ADAMTSL3: variants seen among roughly 807,000 people sequenced by gnomAD.
ADAMTSL3 encodes the protein ADAMTS-like protein 3.
Under a neutral mutation model 201.7 loss-of-function variants are expected in ADAMTSL3, and 128 were observed. The observed-to-expected ratio is 0.63, with a 90% CI of 0.55 to 0.73. The LOEUF (loss-of-function observed/expected upper bound fraction) is 0.73, where lower values mean the gene tolerates loss of function less well. Ranked by LOEUF, ADAMTSL3 falls within the 30% of genes least tolerant of loss-of-function variation. The pLI is 0.00. For missense variants in ADAMTSL3, 1,990 were observed against 2,119.6 expected (o/e 0.94, Z 1.20); for synonymous variants, 738 against 748.4 (o/e 0.99, Z 0.23).
intron 3 of ADAMTSL3, among the ~76,000 whole-genome samples, chr15:83,715,236 C>T (rs2062000923): frequency 6.6e-6 from 1 of 152,152 alleles, no homozygotes; most frequent in Non-Finnish European, 1.5e-5. Context: ...AGTGATAGCT[C>T]AGGACAGTGA....
intron 19 of ADAMTSL3, among the ~76,000 whole-genome samples, chr15:83,949,579 C>T (rs926955918): frequency 6.6e-6 from 1 of 151,922 alleles, no homozygotes; most frequent in South Asian, 2.1e-4. Context: ...TTTTGAGGAA[C>T]CTCCAAACTG....
At chr15:83,979,250 A>C (rs1454519642) in intron 20 of ADAMTSL3, among the ~76,000 whole-genome samples, 1 of 152,220 alleles carries the variant, frequency 6.6e-6, no homozygotes, top group African/African-American at 2.4e-5. Flanking sequence ...TAGTTGTATT[A>C]ATTCAAAAGT....
chr15:83,909,967 C>G (rs191831500), intron 15 of ADAMTSL3, among the ~76,000 whole-genome samples: 10 of 152,258 alleles, frequency 6.6e-5, no homozygotes, highest in Non-Finnish European at 1.0e-4. Context: ...CACTCAAGAT[C>G]CAGAACATTT....
intron 3 of ADAMTSL3, among the ~76,000 whole-genome samples, chr15:83,705,102 C>T (rs1232859985): frequency 1.3e-5 from 2 of 152,064 alleles, no homozygotes; most frequent in Non-Finnish European, 2.9e-5. Context: ...CTCAATTCAC[C>T]TTGATGCCAT....
At chr15:83,759,078 A>G (rs2062766558) in intron 3 of ADAMTSL3, among the ~76,000 whole-genome samples, 2 of 152,208 alleles carry the variant, frequency 1.3e-5, no homozygotes, top group African/African-American at 2.4e-5. Flanking sequence ...CTGCTCGAAC[A>G]TCTCAGAAAT....
chr15:83,677,776 AG>A (rs148702702), intron 2 of ADAMTSL3, among the ~76,000 whole-genome samples: 2,216 of 152,208 alleles, frequency 0.015, 47 homozygotes, highest in African/African-American at 0.05. Context: ...TTACATGAAA[AG>A]TAATTATACT....
chr15:83,922,271 C>A (rs115228835), intron 16 of ADAMTSL3, among the ~76,000 whole-genome samples: 2,316 of 152,132 alleles, frequency 0.015, 60 homozygotes, highest in African/African-American at 0.05. Flanking sequence ...ATCCTAAACA[C>A]CTATTAAACT....
chr15:83,846,668 G>T (rs1391728972), intron 7 of ADAMTSL3, among the ~76,000 whole-genome samples: 2 of 152,180 alleles, frequency 1.3e-5, no homozygotes, highest in Non-Finnish European at 2.9e-5. Context: ...CTAGAATTTT[G>T]AGGGGTAAAT....
intron 2 of ADAMTSL3, among the ~76,000 whole-genome samples, chr15:83,661,357 G>A (rs2061160898): frequency 1.3e-5 from 2 of 151,196 alleles, no homozygotes; most frequent in South Asian, 4.2e-4. Flanking sequence ...CATTGAATCT[G>A]TAAATTACCT....
chr15:83,696,843 C>T (rs2061694053), intron 2 of ADAMTSL3, among the ~76,000 whole-genome samples: 1 of 152,058 alleles, frequency 6.6e-6, no homozygotes, highest in African/African-American at 2.4e-5. Context: ...AAATGGAGTC[C>T]AGATCTAAAA....
At chr15:83,978,414 T>C (rs2067325109) in intron 20 of ADAMTSL3, among the ~76,000 whole-genome samples, 1 of 151,716 alleles carries the variant, frequency 6.6e-6, no homozygotes, top group Non-Finnish European at 1.5e-5. Context: ...GGGTTAATGC[T>C]CTTGCACAGC....
At chr15:83,924,214 A>G (rs2066206847) in intron 17 of ADAMTSL3, among the ~76,000 whole-genome samples, 181 bp downstream of exon 17, 1 of 152,254 alleles carries the variant, frequency 6.6e-6, no homozygotes, top group Non-Finnish European at 1.5e-5. Context: ...GCTCAGATGC[A>G]GCCATGTTGC....
chr15:83,858,941 A>C (rs1287037043), intron 8 of ADAMTSL3, 101 bp downstream of exon 8: 6 of 1,009,562 alleles, frequency 5.9e-6, no homozygotes. Flanking sequence ...AACAAGCAAA[A>C]AAACTTTCTC....
At chr15:83,783,133 ATTAAT>A (rs57949104) in intron 4 of ADAMTSL3, among the ~76,000 whole-genome samples, 25,012 of 150,818 alleles carry the variant, frequency 0.17, 2,401 homozygotes, top group East Asian at 0.4. Context: ...AGAGAGTAAA[ATTAAT>A]TTAAAGTGTT....
At chr15:83,761,294 A>G (rs974703734) in intron 3 of ADAMTSL3, among the ~76,000 whole-genome samples, 1 of 152,196 alleles carries the variant, frequency 6.6e-6, no homozygotes, top group Non-Finnish European at 1.5e-5. Context: ...ATTGTCAGGT[A>G]TGTTAATTCC....
intron 3 of ADAMTSL3, among the ~76,000 whole-genome samples, chr15:83,706,420 A>G (rs1478288558): frequency 1.3e-5 from 2 of 152,214 alleles, no homozygotes; most frequent in Admixed American, 6.5e-5. Context: ...AGTGACTAGC[A>G]TATGAAAACA....
Position 83,713,131 on chromosome 15 carries a change from G to C in ADAMTSL3, c.189+8623G>C, listed in dbSNP as rs28452834. ...ATGATTTTCCTGGCCCACTAGCCTA[G>C]TGGAACTTTCTATCAGGTTCTCTAC... On this transcript the variant is annotated intron_variant, in intron 3 of 29. Transcript: ENST00000286744. 2.1e-3 allele frequency among the ~76,000 whole-genome samples: 315 copies of C among 152,230 alleles called. 2 individuals are homozygous for C. The highest frequency in any genetic ancestry group is 5.2e-3 in the African/African-American group (214 of 41,536).
chr15:83,822,004 C>G (rs1426490197), intron 6 of ADAMTSL3, among the ~76,000 whole-genome samples: 1 of 143,072 alleles, frequency 7.0e-6, no homozygotes, highest in Non-Finnish European at 1.5e-5. Flanking sequence ...GGTTGCTGAC[C>G]TCCCCCACCT....
intron 7 of ADAMTSL3, among the ~76,000 whole-genome samples, chr15:83,846,607 A>T (rs2064504068): frequency 6.6e-6 from 1 of 152,226 alleles, no homozygotes; most frequent in South Asian, 2.1e-4. Flanking sequence ...CAGGGTGCAC[A>T]TCAGGAGCAC....
Sources: allele counts gnomAD v4.1 joint callset (sites outside exome capture counted in the v4.1 genomes callset), GRCh38; gene constraint gnomAD v4.1.1; transcripts MANE v1.5; gene names NCBI Gene and HGNC (gene_info 2026-07-23, HGNC 2026-07-21).